The following TRMT11 variants were observed in gnomAD, a reference collection of about 807,000 sequenced individuals.
TRMT11 encodes tRNA (guanine(10)-N(2))-methyltransferase TRMT11.
In TRMT11, 53 loss-of-function variants were observed where a neutral mutation model predicts 62.8. That is an observed-to-expected ratio of 0.84 (90% confidence interval 0.68 to 1.06). TRMT11 has a LOEUF of 1.06. TRMT11 is among the 50% of genes least tolerant of loss of function. TRMT11 has a pLI of 0.00. For missense variants in TRMT11, 556 were observed against 553.4 expected (o/e 1.00, Z -0.05); for synonymous variants, 188 against 190.3 (o/e 0.99, Z 0.10).
chr6:126,195,688 C>G (rs932528240), intron 1 of TRMT11, among the ~76,000 whole-genome samples: 1 of 152,170 alleles, frequency 6.6e-6, no homozygotes, highest in Admixed American at 6.5e-5. Context: ...GAGGCTGACC[C>G]CTTCATCAGC....
the TRMT11 span, among the ~76,000 whole-genome samples, chr6:126,268,492 G>A: frequency 6.6e-6 from 1 of 152,210 alleles, no homozygotes; most frequent in African/African-American, 2.4e-5. Flanking sequence ...GACAGGTTGT[G>A]TGAGGCGTTC....
At chr6:126,083,415 C>A (rs556781675) in intron 17 of TRMT11, among the ~76,000 whole-genome samples, 1 of 152,292 alleles carries the variant, frequency 6.6e-6, no homozygotes, top group South Asian at 2.1e-4. Flanking sequence ...CTGCTATTTA[C>A]TTCCATAGTA....
chr6:126,002,696 C>T (rs1250165557), intron 7 of TRMT11, among the ~76,000 whole-genome samples: 1 of 152,024 alleles, frequency 6.6e-6, no homozygotes, highest in Non-Finnish European at 1.5e-5. Flanking sequence ...GAACTTGCTT[C>T]CAAAAGTCAG....
intron 1 of TRMT11, among the ~76,000 whole-genome samples, chr6:126,191,252 T>C (rs771193055): frequency 2.6e-5 from 4 of 152,186 alleles, no homozygotes; most frequent in Non-Finnish European, 5.9e-5. Context: ...TTGAGAAATG[T>C]CTATTCAGAT....
At chr6:126,255,825 G>T in the TRMT11 span, among the ~76,000 whole-genome samples, 3 of 152,164 alleles carry the variant, frequency 2.0e-5, no homozygotes, top group Non-Finnish European at 4.4e-5. Context: ...ATAGAAAGTA[G>T]AATATAATAT....
At chr6:126,254,937 G>C in the TRMT11 span, among the ~76,000 whole-genome samples, 3 of 152,134 alleles carry the variant, frequency 2.0e-5, no homozygotes, top group African/African-American at 7.2e-5. Context: ...CAACTGTGAG[G>C]TAGACAGATG....
At chr6:126,170,289 A>C (rs1284578217) in intron 21 of TRMT11, among the ~76,000 whole-genome samples, 1 of 152,120 alleles carries the variant, frequency 6.6e-6, no homozygotes, top group African/African-American at 2.4e-5. Context: ...AAAACCCGAA[A>C]CTGATTCTTA....
intron 21 of TRMT11, among the ~76,000 whole-genome samples, chr6:126,148,488 C>T (rs1026998904): frequency 6.6e-6 from 1 of 152,136 alleles, no homozygotes; most frequent in African/African-American, 2.4e-5. Flanking sequence ...TTAAGCAAGG[C>T]AATACAGTGC....
Position 126,038,887 on chromosome 6 carries a change from C to T in TRMT11, c.*51C>T, listed in dbSNP as rs371812565. On this transcript the variant is annotated 3_prime_UTR_variant, in exon 13 of 13. Coordinates refer to ENST00000334379, the MANE Select transcript of TRMT11 (RefSeq NM_001031712.3). ...AGAATAAGAATTTGATTTAAAAAGA[C>T]ATCTGGATGTGAACTTTCATGTATG... 3 of 1,480,240 alleles carry T rather than the reference C, an allele frequency of 2.0e-6. No homozygotes were observed. The African/African-American group carries it at 4.3e-5, about 21-fold the overall frequency. 91.7% of individuals were successfully genotyped at this position (1,480,240 alleles called of 1,614,324 possible).
chr6:126,256,438 A>G, the TRMT11 span, among the ~76,000 whole-genome samples: 5 of 152,142 alleles, frequency 3.3e-5, no homozygotes, highest in South Asian at 2.1e-4. Flanking sequence ...TCTTATTACA[A>G]TATCAGCTTG....
chr6:126,068,938 G>C, intron 17 of TRMT11, among the ~76,000 whole-genome samples: 1 of 152,198 alleles, frequency 6.6e-6, no homozygotes. Context: ...ACAGAAGTCT[G>C]GCATTGGTTT....
intron 12 of TRMT11, among the ~76,000 whole-genome samples, chr6:126,035,633 A>C (rs1328020439): frequency 6.6e-6 from 1 of 152,120 alleles, no homozygotes; most frequent in Non-Finnish European, 1.5e-5. Context: ...CATAGCACTG[A>C]ATAGAACACA....
At chr6:126,120,760 A>C (rs1448397469) in intron 21 of TRMT11, among the ~76,000 whole-genome samples, 1 of 152,138 alleles carries the variant, frequency 6.6e-6, no homozygotes, top group Non-Finnish European at 1.5e-5. Flanking sequence ...TTCCCCTGGA[A>C]CTGGACAATG....
intron 1 of TRMT11, 98 bp downstream of exon 1, chr6:125,986,720 T>G: frequency 8.5e-7 from 1 of 1,174,426 alleles, no homozygotes; most frequent in Non-Finnish European, 1.2e-6. Context: ...GAAGCTGGGA[T>G]TCGGGGGTCT....
At chr6:126,214,832 T>C in the TRMT11 span, among the ~76,000 whole-genome samples, 1 of 152,018 alleles carries the variant, frequency 6.6e-6, no homozygotes, top group Non-Finnish European at 1.5e-5. Flanking sequence ...AGGTTGTTTA[T>C]TTGAAGGCTT....
intron 16 of TRMT11, among the ~76,000 whole-genome samples, chr6:126,052,186 C>T (rs370537944): frequency 1.3e-4 from 20 of 152,230 alleles, no homozygotes; most frequent in African/African-American, 2.6e-4. Context: ...GATGGGTGGA[C>T]GTGCTCTATT....
At chr6:126,046,961 G>T (rs1229224307) in intron 16 of TRMT11, among the ~76,000 whole-genome samples, 2 of 152,072 alleles carry the variant, frequency 1.3e-5, no homozygotes, top group Non-Finnish European at 2.9e-5. Context: ...TGATACCTTT[G>T]AGCTATAGAA....
chr6:126,139,769 A>C (rs1439357658), intron 21 of TRMT11, among the ~76,000 whole-genome samples: 3 of 152,092 alleles, frequency 2.0e-5, no homozygotes, highest in Non-Finnish European at 4.4e-5. Context: ...GTTATTTTGT[A>C]ACTTCTATTT....
At chr6:126,095,831 A>G (rs1777333939) in intron 17 of TRMT11, among the ~76,000 whole-genome samples, 1 of 152,224 alleles carries the variant, frequency 6.6e-6, no homozygotes, top group Non-Finnish European at 1.5e-5. Flanking sequence ...TCACAGTATA[A>G]GAGAGAAGGA....
Sources: gnomAD v4.1 joint callset for allele counts (sites outside exome capture counted in the v4.1 genomes callset) on GRCh38, gnomAD v4.1.1 for gene constraint, MANE v1.5 for transcripts, NCBI Gene and HGNC (gene_info 2026-07-23, HGNC 2026-07-21) for gene names.